Variants in PGR observed in about 807,000 individuals in gnomAD.
PGR encodes progesterone receptor.
A neutral mutation model predicts 76.1 loss-of-function variants in PGR; 25 were observed. The observed-to-expected ratio is 0.33, with a 90% CI of 0.24 to 0.46. PGR has a LOEUF of 0.46. Ranked by LOEUF, PGR falls within the 20% of genes least tolerant of loss-of-function variation. The pLI is 1.00. For synonymous variants in PGR, 579 were observed against 535.0 expected, an observed-to-expected ratio of 1.08 and a Z score of -1.14; for missense variants, 1,172 against 1,225.3, an observed-to-expected ratio of 0.96 and a Z score of 0.65.
At chr11:101,072,817 A>T (rs1663255653) in intron 3 of PGR, among the ~76,000 whole-genome samples, 1 of 152,236 alleles carries the variant, frequency 6.6e-6, no homozygotes, top group African/African-American at 2.4e-5. Flanking sequence ...ATTCAGATTC[A>T]TAAAGCAAGT....
intron 3 of PGR, among the ~76,000 whole-genome samples, chr11:101,072,997 C>G (rs1283462417): frequency 2.0e-5 from 3 of 152,286 alleles, no homozygotes; most frequent in East Asian, 1.9e-4. Flanking sequence ...ACAGAACTCT[C>G]TACCCCAAAT....
intron 2 of PGR, among the ~76,000 whole-genome samples, chr11:101,101,927 C>T (rs1471451455): frequency 3.3e-5 from 5 of 152,096 alleles, no homozygotes; most frequent in Admixed American, 6.5e-5. Context: ...TTTTTAAGCA[C>T]ATAAGGGGGT....
intron 4 of PGR, among the ~76,000 whole-genome samples, chr11:101,057,449 T>C (rs1860334671): frequency 6.6e-6 from 1 of 152,104 alleles, no homozygotes; most frequent in African/African-American, 2.4e-5. Context: ...CCCTTGGATA[T>C]TGAGGCCATG....
intron 6 of PGR, 25 bp from the exon 7 acceptor site, chr11:101,042,127 G>A: frequency 6.2e-7 from 1 of 1,611,104 alleles, no homozygotes. Context: ...ATTAAAAGTG[G>A]CAGTTGTGTA....
chr11:101,069,251 A>C (rs114222696), intron 3 of PGR, among the ~76,000 whole-genome samples: 27,626 of 152,136 alleles, frequency 0.18, 3,009 homozygotes, highest in African/African-American at 0.31. Context: ...GCCAAAAAAC[A>C]TGGAAAAAAG....
Position 101,033,040 on chromosome 11 carries a change from CTG to C in PGR, c.*6074_*6075del, listed in dbSNP as rs1859399941. 1 of 196,644 alleles carries C rather than the reference CTG, an allele frequency of 5.1e-6. No homozygotes were observed. The highest frequency in any genetic ancestry group is 1.1e-5 in the Non-Finnish European group (1 of 94,958). 12.2% of individuals were successfully genotyped at this position (196,644 alleles called of 1,614,324 possible). On this transcript the variant is annotated 3_prime_UTR_variant, in exon 8 of 8. Coordinates refer to ENST00000325455, the MANE Select transcript of PGR (RefSeq NM_000926.4). ...ATACAAAGAACTTTGATATTTTCTT[CTG>C]TTTCTTTCAAATTTCAGTAAAAAGG...
At chr11:101,097,893 C>A (rs1484411514) in intron 2 of PGR, among the ~76,000 whole-genome samples, 2 of 151,718 alleles carry the variant, frequency 1.3e-5, no homozygotes, top group African/African-American at 4.8e-5. Context: ...TCCCCTGCCT[C>A]AGCCTCCCGA....
intron 3 of PGR, among the ~76,000 whole-genome samples, chr11:101,068,455 T>C (rs1238198553): frequency 6.6e-5 from 10 of 152,178 alleles, no homozygotes; most frequent in Admixed American, 6.5e-4. Flanking sequence ...AAGTAATTTA[T>C]AGATCCAATA....
At chr11:101,119,778 C>T (rs553046178) in intron 2 of PGR, among the ~76,000 whole-genome samples, 2 of 152,246 alleles carry the variant, frequency 1.3e-5, no homozygotes, top group South Asian at 4.2e-4. Flanking sequence ...CTATAAGAGA[C>T]CATGTATTTA....
intron 2 of PGR, among the ~76,000 whole-genome samples, chr11:101,122,124 C>T (rs112870421): frequency 2.1e-4 from 28 of 133,006 alleles, no homozygotes; most frequent in African/African-American, 6.9e-4. Flanking sequence ...CACTGCACTC[C>T]AGCATGGGCA....
At chr11:101,100,605 C>CCGCA (rs1555060284) in intron 2 of PGR, among the ~76,000 whole-genome samples, 12 of 147,680 alleles carry the variant, frequency 8.1e-5, no homozygotes, top group Admixed American at 3.4e-4. Flanking sequence ...TATTTTGAAT[C>CCGCA]CACACACACA....
intron 5 of PGR, 126 bp downstream of exon 5, chr11:101,051,298 C>A: frequency 1.5e-6 from 1 of 645,680 alleles, no homozygotes. Context: ...ATAAAATTAC[C>A]GTAAAATGAC....
intron 2 of PGR, among the ~76,000 whole-genome samples, chr11:101,123,680 T>C (rs1565370291): frequency 6.6e-6 from 1 of 152,234 alleles, no homozygotes; most frequent in Non-Finnish European, 1.5e-5. Flanking sequence ...CAAATGTTCA[T>C]ATCTTCCATG....
chr11:101,083,067 G>C (rs891238279), intron 3 of PGR, among the ~76,000 whole-genome samples: 6 of 152,206 alleles, frequency 3.9e-5, no homozygotes, highest in African/African-American at 1.4e-4. Flanking sequence ...CCAGGGCCTA[G>C]CTACTCTGTG....
intron 7 of PGR, among the ~76,000 whole-genome samples, chr11:101,041,040 G>A (rs1859678095): frequency 8.0e-6 from 1 of 125,388 alleles, no homozygotes. Flanking sequence ...CTTGCTAAAT[G>A]TCTGTTTTAA....
intron 6 of PGR, among the ~76,000 whole-genome samples, chr11:101,044,510 T>G (rs1388668093): frequency 6.6e-6 from 1 of 152,098 alleles, no homozygotes; most frequent in African/African-American, 2.4e-5. Context: ...ACTTTTAAAG[T>G]CCTTCAAGAA....
At chr11:101,117,616 A>G (rs1026034696) in intron 2 of PGR, among the ~76,000 whole-genome samples, 24 of 150,096 alleles carry the variant, frequency 1.6e-4, no homozygotes, top group Non-Finnish European at 3.1e-4. Context: ...TTCTTCAAAT[A>G]AAAAAAAAAT....
rs141908540 is a variant in PGR, at chr11:101,046,052, C to G, written c.2488+3877G>C. On this transcript the variant is annotated intron_variant, in intron 6 of 7. Coordinates refer to ENST00000325455, the MANE Select transcript of PGR (RefSeq NM_000926.4). ...TCAGCTGTAAACATGAATGTAAAATCATTTTTTCTTAATTTTTCATAGTAA... is the reference window on the plus strand; with the variant it reads ...TCAGCTGTAAACATGAATGTAAAATGATTTTTTCTTAATTTTTCATAGTAA... 3.9e-3 allele frequency among the ~76,000 whole-genome samples: 598 copies of G among 151,846 alleles called. 4 individuals carry two copies. The highest frequency in any genetic ancestry group is 0.013 in the African/African-American group (550 of 41,476).
At chr11:101,067,767 T>C (rs11571201) in intron 3 of PGR, among the ~76,000 whole-genome samples, 17,665 of 151,890 alleles carry the variant, frequency 0.12, 1,336 homozygotes, top group Non-Finnish European at 0.16. Context: ...TCATACAGTG[T>C]AGGAAAAAAC....
Sources: allele counts gnomAD v4.1 joint callset (sites outside exome capture counted in the v4.1 genomes callset), GRCh38; gene constraint gnomAD v4.1.1; transcripts MANE v1.5; gene names NCBI Gene and HGNC (gene_info 2026-07-23, HGNC 2026-07-21).